Variants in GREB1L observed in about 807,000 individuals in gnomAD.
GREB1L encodes the protein GREB1 like retinoic acid receptor coactivator, also known as GREB1-like protein.
GREB1L carries 17 observed loss-of-function variants against 200.8 expected under a neutral mutation model. That is an observed-to-expected ratio of 0.08 (90% CI 0.06 to 0.13). The LOEUF (loss-of-function observed/expected upper bound fraction) is 0.13. Among genes scored for constraint, GREB1L ranks in the 10% least tolerant of loss-of-function variants. The probability of loss-of-function intolerance (pLI) is 1.00; values close to 1 mark genes in which losing one functional copy is unlikely to be tolerated. For synonymous variants in GREB1L, 789 were observed against 893.0 expected, an observed-to-expected ratio of 0.88 and a Z score of 2.08; for missense variants, 1,657 against 2,367.7, an observed-to-expected ratio of 0.70 and a Z score of 6.23.
At chr18:21,449,872 A>G (rs764789433) in intron 12 of GREB1L, 36 bp downstream of exon 12, 1 of 1,397,410 alleles carries the variant, frequency 7.2e-7, no homozygotes, top group African/African-American at 1.5e-5. Context: ...TGTTTAATCA[A>G]TTCATTCGAC....
intron 2 of GREB1L, among the ~76,000 whole-genome samples, chr18:21,375,542 T>A (rs1431138625): frequency 6.6e-6 from 1 of 152,172 alleles, no homozygotes; most frequent in East Asian, 1.9e-4. Flanking sequence ...TCTTTTCTGA[T>A]TTTTTTCTTT....
At chr18:21,325,942 C>T (rs1039611794) in intron 1 of GREB1L, among the ~76,000 whole-genome samples, 1 of 149,862 alleles carries the variant, frequency 6.7e-6, no homozygotes, top group Non-Finnish European at 1.5e-5. Flanking sequence ...GTAGATAAGA[C>T]TTGGGATTTT....
At chr18:21,498,625 T>C (rs1417055936) in intron 21 of GREB1L, among the ~76,000 whole-genome samples, 2 of 152,146 alleles carry the variant, frequency 1.3e-5, no homozygotes, top group Admixed American at 1.3e-4. Flanking sequence ...CTGGCCTTGC[T>C]CTGCTGAACT....
intron 10 of GREB1L, among the ~76,000 whole-genome samples, chr18:21,442,161 G>C (rs553274689): frequency 6.6e-6 from 1 of 152,298 alleles, no homozygotes; most frequent in African/African-American, 2.4e-5. Flanking sequence ...TAGACATTTA[G>C]GGGTCCCTAC....
chr18:21,243,072 A>C (rs2037531629), intron 1 of GREB1L, among the ~76,000 whole-genome samples: 1 of 151,676 alleles, frequency 6.6e-6, no homozygotes, highest in African/African-American at 2.4e-5. Flanking sequence ...GCTGAGGACC[A>C]CTCTTATTCC....
At chr18:21,421,185 T>C (rs1241422153) in intron 7 of GREB1L, among the ~76,000 whole-genome samples, 1 of 152,168 alleles carries the variant, frequency 6.6e-6, no homozygotes, top group Non-Finnish European at 1.5e-5. Context: ...AATATGTTCA[T>C]TATTTTGATT....
At chr18:21,283,249 G>T (rs2144481417) in intron 1 of GREB1L, among the ~76,000 whole-genome samples, 1 of 152,210 alleles carries the variant, frequency 6.6e-6, no homozygotes, top group African/African-American at 2.4e-5. Context: ...TACATTATGG[G>T]TTCTGATATT....
intron 23 of GREB1L, among the ~76,000 whole-genome samples, chr18:21,503,136 G>A (rs1164165887): frequency 2.0e-5 from 3 of 151,792 alleles, no homozygotes; most frequent in African/African-American, 4.8e-5. Context: ...AGCCTTTTTT[G>A]GAAAGTTTCT....
intron 4 of GREB1L, among the ~76,000 whole-genome samples, chr18:21,388,126 G>T (rs927876797): frequency 6.6e-6 from 1 of 152,082 alleles, no homozygotes; most frequent in African/African-American, 2.4e-5. Context: ...GCATGGAGTT[G>T]ATTTCTTCTG....
rs73422039 is a variant in GREB1L, at chr18:21,279,644, G to C, written c.-120+37251G>C. Among the ~76,000 whole-genome samples the C allele has an allele frequency of 7.5e-3, 1,143 of 152,190 alleles. 19 individuals carry two copies. Among genetic ancestry groups the C allele is most frequent in the African/African-American group, 0.027 (1,101 of 41,512 alleles). ...TTTCTTAAAGAAATGGGGTCTTGCT[G>C]TGTTCATTTTAAGAGGTGGGGTCTT... On this transcript the variant is annotated intron_variant, in intron 1 of 32. Transcript: ENST00000424526.
rs78910371 is a variant in GREB1L, at chr18:21,508,648, C to T, written c.4735+57C>T. On this transcript the variant is annotated intron_variant, in intron 27 of 32. Transcript: ENST00000424526. Reference sequence around the variant, plus strand: ...CTTCGAAGATAAACTGAGCTCCATTCCCCTGGCATGAAACTTTCAGATTCC... The same window carrying T: ...CTTCGAAGATAAACTGAGCTCCATTTCCCTGGCATGAAACTTTCAGATTCC... 1,518 of 1,437,196 alleles carry T rather than the reference C, an allele frequency of 1.1e-3. 12 individuals are homozygous for T. The African/African-American group carries it at 0.017, about 16-fold the overall frequency. The allele number at this position is 1,437,196 out of a possible 1,614,324, so 89.0% of individuals were successfully genotyped here.
chr18:21,514,418 G>C (rs1302887502), intron 28 of GREB1L, among the ~76,000 whole-genome samples: 1 of 152,186 alleles, frequency 6.6e-6, no homozygotes, highest in Non-Finnish European at 1.5e-5. Flanking sequence ...GAGAGGCTGA[G>C]GCAAGAGAAT....
At position 21,500,142 on chromosome 18, in the gene GREB1L, C is replaced by A. The variant is rs765793211; in HGVS notation, c.3805C>A (p.Arg1269=). Residue 1269 remains arginine (R), a synonymous_variant, in exon 22 of 33, where the codon CGG becomes AGG. Coordinates refer to ENST00000424526, the MANE Select transcript of GREB1L (RefSeq NM_001142966.3). Reference sequence around the variant, plus strand: ...CGACGTGGCCTGGGTGAGCTCCCTGCGGCCACTCCTGAACAAGGACATGAG... The same window carrying A: ...CGACGTGGCCTGGGTGAGCTCCCTGAGGCCACTCCTGAACAAGGACATGAG... ...HADVAWVSSL[R]PLLNKDMSSE... is the part of the protein sequence containing the mutation. 2 of 1,551,368 alleles carry A rather than the reference C, an allele frequency of 1.3e-6. No individual in the cohort carries two copies. Among genetic ancestry groups the A allele is most frequent in the African/African-American group, 2.7e-5 (2 of 73,056 alleles).
Position 21,500,005 on chromosome 18 carries a change from G to T in GREB1L, c.3668G>T (p.Gly1223Val), listed in dbSNP as rs1339663047. The T allele has an allele frequency of 2.3e-5, 35 of 1,551,340 alleles. 1 individual carries two copies. The Admixed American group carries it at 6.9e-4, about 30-fold the overall frequency. ...GGACAGCCCATCAGAGGCTGCCGGGGCCCACAGGCAGCCCTGCCACCAGTG... is the reference window on the plus strand; with the variant it reads ...GGACAGCCCATCAGAGGCTGCCGGGTCCCACAGGCAGCCCTGCCACCAGTG... ...WPGQPIRGCR[G>V]PQAALPPVVI... The change falls in exon 22 of 33, where the codon GGC (glycine) becomes GTC (valine). Residue 1223 changes from glycine (G) to valine (V), a missense_variant. Around this residue, in one of 9 missense-constraint regions of GREB1L, gnomAD observed 512 missense variants for 668.3 expected, o/e 0.77. Transcript: ENST00000424526.
At chr18:21,470,288 T>C (rs901768601) in intron 15 of GREB1L, among the ~76,000 whole-genome samples, 5 of 152,146 alleles carry the variant, frequency 3.3e-5, no homozygotes, top group African/African-American at 1.2e-4. Context: ...CTCTTGTCTC[T>C]TTAAATTTTT....
chr18:21,411,584 A>G (rs1423662899), intron 7 of GREB1L, among the ~76,000 whole-genome samples: 1 of 152,158 alleles, frequency 6.6e-6, no homozygotes, highest in African/African-American at 2.4e-5. Flanking sequence ...AAAGCTCTGT[A>G]AGTAGGTTGC....
At chr18:21,372,025 T>C (rs2039894692) in intron 2 of GREB1L, among the ~76,000 whole-genome samples, 1 of 152,174 alleles carries the variant, frequency 6.6e-6, no homozygotes, top group Non-Finnish European at 1.5e-5. Context: ...CCTGAGTCAA[T>C]GTAATTAATC....
At chr18:21,259,663 C>T (rs2037858838) in intron 1 of GREB1L, among the ~76,000 whole-genome samples, 1 of 151,996 alleles carries the variant, frequency 6.6e-6, no homozygotes, top group Admixed American at 6.6e-5. Context: ...TTCAATTGAA[C>T]TTATATCAAA....
intron 1 of GREB1L, among the ~76,000 whole-genome samples, chr18:21,273,147 G>C (rs530620089): frequency 1.3e-5 from 2 of 152,320 alleles, no homozygotes; most frequent in South Asian, 4.2e-4. Context: ...AGAATCGCTT[G>C]AACCCGGGAG....
Sources: allele counts gnomAD v4.1 joint callset (sites outside exome capture counted in the v4.1 genomes callset), GRCh38; gene constraint gnomAD v4.1.1; regional missense constraint gnomAD v4.1.1; transcripts MANE v1.5; gene names NCBI Gene and HGNC (gene_info 2026-07-23, HGNC 2026-07-21).